Variants in ZFHX3 observed in about 807,000 individuals in gnomAD.
ZFHX3 encodes zinc finger homeobox protein 3.
Under a neutral mutation model 279.1 loss-of-function variants are expected in ZFHX3, and 42 were observed. The ratio of observed to expected loss-of-function variants is 0.15; its 90% CI spans 0.12 to 0.19. ZFHX3 has a LOEUF of 0.19. Ranked by LOEUF, ZFHX3 falls within the 10% of genes least tolerant of loss-of-function variation. The pLI is 1.00. For synonymous variants in ZFHX3, 2,293 were observed against 1,957.8 expected (o/e 1.17, Z -4.52); for missense variants, 4,981 against 4,754.0 (o/e 1.05, Z -1.40).
At chr16:73,595,172 T>C (rs970347641) in intron 2 of ZFHX3, among the ~76,000 whole-genome samples, 3 of 152,154 alleles carry the variant, frequency 2.0e-5, no homozygotes, top group Non-Finnish European at 4.4e-5. Context: ...TATCCCTCTT[T>C]CTGTAAATCA....
chr16:73,237,700 C>T (rs936677415), intron 5 of ZFHX3, among the ~76,000 whole-genome samples: 18 of 152,024 alleles, frequency 1.2e-4, no homozygotes, highest in African/African-American at 4.1e-4. Flanking sequence ...CCATGCTCAT[C>T]CCCGCCTCAC....
chr16:73,792,921 G>C (rs1223858860), intron 1 of ZFHX3, among the ~76,000 whole-genome samples: 1 of 144,872 alleles, frequency 6.9e-6, no homozygotes, highest in Non-Finnish European at 1.5e-5. Context: ...TGTATGGTTT[G>C]GGGTTGACGT....
intron 1 of ZFHX3, among the ~76,000 whole-genome samples, chr16:73,697,262 A>G (rs1051979980): frequency 4.6e-5 from 7 of 151,474 alleles, no homozygotes; most frequent in African/African-American, 1.7e-4. Flanking sequence ...GAAAGTAGAG[A>G]TCATGTGAGT....
At chr16:72,981,639 G>T (rs1962603800) in intron 1 of ZFHX3, among the ~76,000 whole-genome samples, 1 of 152,076 alleles carries the variant, frequency 6.6e-6, no homozygotes, top group Non-Finnish European at 1.5e-5. Context: ...TAGGTAAACG[G>T]CCCAGTGGTA....
chr16:72,969,533 G>GCC (rs1445961451), intron 1 of ZFHX3, among the ~76,000 whole-genome samples: 1 of 151,782 alleles, frequency 6.6e-6, no homozygotes, highest in Non-Finnish European at 1.5e-5. Flanking sequence ...AACTCCAGCA[G>GCC]CCCCCAGAGT....
At chr16:73,428,222 G>C (rs2017846089) in intron 3 of ZFHX3, among the ~76,000 whole-genome samples, 1 of 152,102 alleles carries the variant, frequency 6.6e-6, no homozygotes, top group African/African-American at 2.4e-5. Context: ...CCCTTCCCCA[G>C]TGACCCCAGG....
At chr16:73,744,692 T>A (rs1183550158) in intron 1 of ZFHX3, among the ~76,000 whole-genome samples, 2 of 152,222 alleles carry the variant, frequency 1.3e-5, no homozygotes, top group Admixed American at 1.3e-4. Flanking sequence ...CGTGTCTCAT[T>A]ACCACCTTTA....
chr16:73,379,489 C>T (rs2016783760), intron 3 of ZFHX3, among the ~76,000 whole-genome samples: 1 of 152,180 alleles, frequency 6.6e-6, no homozygotes, highest in South Asian at 2.1e-4. Context: ...CATAGGCAGG[C>T]TACCTAACTC....
intron 3 of ZFHX3, among the ~76,000 whole-genome samples, chr16:73,384,252 G>A (rs1229321629): frequency 6.6e-6 from 1 of 152,202 alleles, no homozygotes; most frequent in Non-Finnish European, 1.5e-5. Context: ...TCTATGGGCT[G>A]TTTTTGAGCT....
intron 1 of ZFHX3, among the ~76,000 whole-genome samples, chr16:73,746,647 A>T (rs2053706089): frequency 6.6e-6 from 1 of 152,180 alleles, no homozygotes; most frequent in Non-Finnish European, 1.5e-5. Flanking sequence ...TATCAAAACA[A>T]TGGAGCTGAC....
chr16:73,807,620 ATTTTTTTTTTTTTTTT>A (rs55806545), intron 1 of ZFHX3, among the ~76,000 whole-genome samples: 49 of 70,592 alleles, frequency 6.9e-4, no homozygotes, highest in Middle Eastern at 0.011. Context: ...CCATGCCCCA[ATTTTTTTTTTTTTTTT>A]TTTTTTTTTT....
chr16:73,744,605 A>T (rs2053687526), intron 1 of ZFHX3, among the ~76,000 whole-genome samples: 1 of 152,120 alleles, frequency 6.6e-6, no homozygotes, highest in African/African-American at 2.4e-5. Context: ...CTACTTTATT[A>T]TGCATATCTG....
chr16:73,208,194 T>C (rs1415032165), intron 5 of ZFHX3, among the ~76,000 whole-genome samples: 1 of 152,204 alleles, frequency 6.6e-6, no homozygotes, highest in African/African-American at 2.4e-5. Flanking sequence ...TATTTGTTTT[T>C]GAAAAAGTAT....
chr16:73,435,297 C>T (rs975713854), intron 3 of ZFHX3, among the ~76,000 whole-genome samples: 1 of 152,032 alleles, frequency 6.6e-6, no homozygotes, highest in Non-Finnish European at 1.5e-5. Flanking sequence ...CAACCTCCAC[C>T]TCCCGGGTTC....
intron 5 of ZFHX3, among the ~76,000 whole-genome samples, chr16:73,248,717 C>T (rs1044677439): frequency 2.0e-5 from 3 of 151,848 alleles, no homozygotes; most frequent in African/African-American, 7.3e-5. Context: ...GATGTCTCCC[C>T]TATGTGCTGA....
chr16:73,320,640 T>C (rs2015556789), intron 3 of ZFHX3, among the ~76,000 whole-genome samples: 1 of 152,208 alleles, frequency 6.6e-6, no homozygotes, highest in Non-Finnish European at 1.5e-5. Context: ...TTCTGCTATT[T>C]AGCAAGCACT....
At chr16:73,068,466 A>G (rs1441633852) in intron 8 of ZFHX3, among the ~76,000 whole-genome samples, 2 of 152,230 alleles carry the variant, frequency 1.3e-5, no homozygotes, top group Non-Finnish European at 2.9e-5. Flanking sequence ...TAAAGGGAAA[A>G]AGGCCAAAAG....
Position 72,939,614 on chromosome 16 carries a change from G to A in ZFHX3, c.3216+10855C>T, listed in dbSNP as rs761999653. Among the ~76,000 whole-genome samples the A allele has an allele frequency of 3.3e-5, 5 of 152,244 alleles. No individual in the cohort carries two copies. The South Asian group carries it at 1.0e-3, about 32-fold the overall frequency. On this transcript the variant is annotated intron_variant, in intron 3 of 9. Coordinates refer to ENST00000268489, the MANE Select transcript of ZFHX3 (RefSeq NM_006885.4). Reference sequence around the variant, plus strand: ...GAAGGCCCATAGATACAGGCTGGGTGCAGTGGCTCAGGCCTGTAATCCCAG... The same window carrying A: ...GAAGGCCCATAGATACAGGCTGGGTACAGTGGCTCAGGCCTGTAATCCCAG...
Position 72,928,192 on chromosome 16 carries a change from G to GA in ZFHX3, c.3216+22276_3216+22277insT, listed in dbSNP as rs1241365189. ...GGAGGGGGAGGGGAGAGAGGGAGGG[G>GA]GAGGGGAGCGAGGGGGAGCGAAGGG... On this transcript the variant is annotated intron_variant, in intron 3 of 9. Transcript: ENST00000268489. Among the ~76,000 whole-genome samples the GA allele has an allele frequency of 4.0e-4, 22 of 55,006 alleles. 1 individual carries two copies. Among genetic ancestry groups the GA allele is most frequent in the African/African-American group, 1.6e-3 (18 of 11,046 alleles). 36.1% of individuals were successfully genotyped at this position (55,006 alleles called of 152,430 possible). A position where few individuals can be genotyped will look rare whatever the true frequency, so the allele number is the denominator to read the frequency against.
Sources: allele counts gnomAD v4.1 joint callset (sites outside exome capture counted in the v4.1 genomes callset), GRCh38; gene constraint gnomAD v4.1.1; transcripts MANE v1.5; gene names NCBI Gene and HGNC (gene_info 2026-07-23, HGNC 2026-07-21).